Variants in SH3KBP1 observed in about 807,000 individuals in gnomAD.
SH3KBP1 encodes SH3 domain-containing kinase-binding protein 1.
Under a neutral mutation model 50.1 loss-of-function variants are expected in SH3KBP1, and 8 were observed. That is an observed-to-expected ratio of 0.16 (90% CI 0.09 to 0.29). The LOEUF (loss-of-function observed/expected upper bound fraction) is 0.29. Ranked by LOEUF, SH3KBP1 falls within the 10% of genes least tolerant of loss-of-function variation. SH3KBP1 has a pLI of 1.00. For synonymous variants in SH3KBP1, 227 were observed against 218.6 expected (o/e 1.04, Z -0.34); for missense variants, 377 against 535.2 (o/e 0.70, Z 2.92).
intron 2 of SH3KBP1, among the ~76,000 whole-genome samples, chrX:19,827,227 C>A (rs2067710209): frequency 8.9e-6 from 1 of 112,106 alleles, no homozygotes; most frequent in African/African-American, 3.2e-5. Context: ...CACACTTCAC[C>A]CATCAACAAT....
rs2147477605 is a variant in SH3KBP1 at position 19,535,972 on chromosome X, G to A, written c.*445C>T. ...GCTCTTAGCCTGAAGCAAAAGAAAA[G>A]GACACTCGCTTCTGACTACGTGTAG... On this transcript the variant is annotated 3_prime_UTR_variant, in exon 18 of 18. Coordinates refer to ENST00000397821, the MANE Select transcript of SH3KBP1 (RefSeq NM_031892.3). The A allele has an allele frequency of 8.9e-6, 1 of 112,788 alleles. No individual in the cohort carries two copies. The highest frequency in any genetic ancestry group is 3.7e-4 in the South Asian group (1 of 2,724). The allele number at this position is 112,788 out of a possible 1,213,427, so 9.3% of individuals were successfully genotyped here. A position where few individuals can be genotyped will look rare whatever the true frequency, so the allele number is the denominator to read the frequency against.
At chrX:19,884,207 C>T (rs2069525857) in intron 1 of SH3KBP1, among the ~76,000 whole-genome samples, 1 of 112,668 alleles carries the variant, frequency 8.9e-6, no homozygotes, top group South Asian at 3.6e-4. Context: ...CTTTCAGCTA[C>T]ATACTGCCAT....
At chrX:19,875,207 C>A (rs2069210738) in intron 1 of SH3KBP1, among the ~76,000 whole-genome samples, 1 of 111,598 alleles carries the variant, frequency 9.0e-6, no homozygotes, top group Admixed American at 9.5e-5. Context: ...TCCAAGGGCC[C>A]CCAGAGGCAC....
intron 1 of SH3KBP1, among the ~76,000 whole-genome samples, chrX:19,838,012 G>A (rs2068106216): frequency 9.1e-6 from 1 of 110,208 alleles, no homozygotes; most frequent in African/African-American, 3.3e-5. Context: ...ATGACCTTAG[G>A]TTTGGCAAAG....
At chrX:19,653,804 AC>A (rs2062197473) in intron 6 of SH3KBP1, among the ~76,000 whole-genome samples, 9 of 101,415 alleles carry the variant, frequency 8.9e-5, no homozygotes, top group Non-Finnish European at 1.7e-4. Context: ...ACACACACAC[AC>A]ACACACACAG....
chrX:19,785,471 T>C (rs775941607), intron 2 of SH3KBP1, among the ~76,000 whole-genome samples: 13 of 110,633 alleles, frequency 1.2e-4, no homozygotes, highest in Non-Finnish European at 2.1e-4. Flanking sequence ...GAGATTGCAG[T>C]GAGCCAAGAT....
chrX:19,796,479 T>C (rs1479620581), intron 2 of SH3KBP1, among the ~76,000 whole-genome samples: 2 of 111,529 alleles, frequency 1.8e-5, no homozygotes, highest in Non-Finnish European at 3.8e-5. Flanking sequence ...TCTTTACCTG[T>C]AGGAAGGAAG....
intron 1 of SH3KBP1, among the ~76,000 whole-genome samples, chrX:19,881,516 A>G (rs915429992): frequency 2.7e-5 from 3 of 112,093 alleles, no homozygotes; most frequent in Admixed American, 9.4e-5. Context: ...CTAGGAGAGG[A>G]TACCAATGAT....
At chrX:19,603,289 C>T (rs73457675) in intron 9 of SH3KBP1, among the ~76,000 whole-genome samples, 223 of 112,289 alleles carry the variant, frequency 2.0e-3, no homozygotes, top group African/African-American at 6.3e-3. Flanking sequence ...CGGAAAGCAC[C>T]GGATAAACGT....
rs1273794036 is a variant in SH3KBP1, at chrX:19,722,585, T to TGCGCACTG, written c.287-15602_287-15601insCAGTGCGC. On this transcript the variant is annotated intron_variant, in intron 3 of 17. Coordinates refer to ENST00000397821, the MANE Select transcript of SH3KBP1 (RefSeq NM_031892.3). Reference sequence around the variant, plus strand: ...GTGCGCACTGGTGTGTGTGTGTGTGTGTGTGTGTGTGTGTGTGTGTGTGTG... The same window carrying TGCGCACTG: ...GTGCGCACTGGTGTGTGTGTGTGTGTGCGCACTGGTGTGTGTGTGTGTGTGTGTGTGTG... Among the ~76,000 whole-genome samples, 1,044 of 104,863 alleles carry TGCGCACTG rather than the reference T, an allele frequency of 1.0e-2. 23 individuals are homozygous for TGCGCACTG. Among genetic ancestry groups the TGCGCACTG allele is most frequent in the African/African-American group, 0.035 (977 of 28,023 alleles). 91.1% of individuals were successfully genotyped at this position (104,863 alleles called of 115,157 possible).
At chrX:19,838,842 A>G (rs1438572025) in intron 1 of SH3KBP1, among the ~76,000 whole-genome samples, 2 of 101,969 alleles carry the variant, frequency 2.0e-5, no homozygotes, top group Non-Finnish European at 4.0e-5. Flanking sequence ...AGCCAAGATC[A>G]TGCCGCTGTA....
chrX:19,800,289 A>G (rs985154596), intron 2 of SH3KBP1, among the ~76,000 whole-genome samples: 1 of 112,460 alleles, frequency 8.9e-6, no homozygotes, highest in Non-Finnish European at 1.9e-5. Context: ...TTTATTACAT[A>G]TAAGTAATAA....
At position 19,578,598 on chromosome X, in the gene SH3KBP1, G is replaced by T. The variant is rs775590341; in HGVS notation, c.1299-9410C>A. Among the ~76,000 whole-genome samples, 8 of 112,029 alleles carry T rather than the reference G, an allele frequency of 7.1e-5. No individual in the cohort carries two copies. The East Asian group carries it at 1.7e-3, about 24-fold the overall frequency. ...TGGAACCAGATGGAAAGTTCCTCAT[G>T]CCAAGCCAGTCCAATCTTTTCCTAC... On this transcript the variant is annotated intron_variant, in intron 12 of 17. Coordinates refer to ENST00000397821, the MANE Select transcript of SH3KBP1 (RefSeq NM_031892.3).
chrX:19,753,189 T>A (rs1603196773), intron 2 of SH3KBP1, among the ~76,000 whole-genome samples: 1 of 111,721 alleles, frequency 9.0e-6, no homozygotes, highest in East Asian at 2.8e-4. Context: ...CAGAGCCCCC[T>A]TGGCTTAGGG....
chrX:19,573,434 G>A (rs1197420360), intron 12 of SH3KBP1, among the ~76,000 whole-genome samples: 3 of 110,134 alleles, frequency 2.7e-5, no homozygotes, highest in South Asian at 3.9e-4. Flanking sequence ...TTACAGGTGC[G>A]TGCCACCACA....
chrX:19,733,393 AAAG>A (rs911215487), intron 3 of SH3KBP1, among the ~76,000 whole-genome samples: 2 of 110,264 alleles, frequency 1.8e-5, no homozygotes, highest in Non-Finnish European at 3.8e-5. Context: ...TATAGAATTG[AAAG>A]CCCAAAGACT....
At chrX:19,646,374 A>G (rs969078018) in intron 6 of SH3KBP1, among the ~76,000 whole-genome samples, 1 of 112,060 alleles carries the variant, frequency 8.9e-6, no homozygotes, top group African/African-American at 3.2e-5. Flanking sequence ...ATACAGATCC[A>G]TTGGTTCCCA....
intron 2 of SH3KBP1, among the ~76,000 whole-genome samples, chrX:19,832,415 G>A (rs2067921918): frequency 1.8e-5 from 2 of 111,915 alleles, no homozygotes; most frequent in South Asian, 7.5e-4. Context: ...TGGCCCACTC[G>A]AATTAGGGTA....
chrX:19,795,779 A>T (rs1361744517), intron 2 of SH3KBP1, among the ~76,000 whole-genome samples: 1 of 112,044 alleles, frequency 8.9e-6, no homozygotes, highest in Non-Finnish European at 1.9e-5. Context: ...AAAGAAGCTT[A>T]AATCAATGGT....
Sources: allele counts gnomAD v4.1 joint callset (sites outside exome capture counted in the v4.1 genomes callset), GRCh38; gene constraint gnomAD v4.1.1; transcripts MANE v1.5; gene names NCBI Gene and HGNC (gene_info 2026-07-23, HGNC 2026-07-21).